Variants in RPS6KA2 observed in about 807,000 individuals in gnomAD.
RPS6KA2 encodes ribosomal protein S6 kinase A2, also known as ribosomal protein S6 kinase alpha-2.
In RPS6KA2, 42 loss-of-function variants were observed where a neutral mutation model predicts 91.8. That is an observed-to-expected ratio of 0.46 (90% CI 0.36 to 0.59). The LOEUF (loss-of-function observed/expected upper bound fraction) is 0.59, where lower values mean the gene tolerates loss of function less well. RPS6KA2 is among the 20% of genes least tolerant of loss of function. The pLI, the probability that RPS6KA2 is intolerant of heterozygous loss-of-function variation, is 0.00. For synonymous variants in RPS6KA2, 414 were observed against 393.6 expected (o/e 1.05, Z -0.61); for missense variants, 798 against 978.5 (o/e 0.82, Z 2.46).
At chr6:166,837,040 G>A (rs9356519) in intron 2 of RPS6KA2, among the ~76,000 whole-genome samples, 120,667 of 152,130 alleles carry the variant, frequency 0.79, 48,301 homozygotes, top group East Asian at 0.98. Flanking sequence ...CACCCTCAGC[G>A]CTGAGCAGGT....
At chr6:166,421,191 A>AT (rs1778706829) in intron 17 of RPS6KA2, among the ~76,000 whole-genome samples, 1 of 152,156 alleles carries the variant, frequency 6.6e-6, no homozygotes, top group Admixed American at 6.6e-5. Context: ...TGGTTAATAG[A>AT]TTTTACCCTG....
At position 166,648,011 on chromosome 6, in the gene RPS6KA2, T is replaced by A. The variant is rs1166520696; in HGVS notation, c.124-109227A>T. On this transcript the variant is annotated intron_variant, in intron 2 of 21. Transcript: ENST00000503859. The surrounding 1 kb of genome is among the most constrained non-coding windows in gnomAD (Gnocchi z 4.8). ...ACACGCACATGCTCACACACGCACA[T>A]GCTTACACACATACATACACACATG... 7.7e-6 allele frequency among the ~76,000 whole-genome samples: 1 copy of A among 129,572 alleles called. No individual in the cohort carries two copies. The highest frequency in any genetic ancestry group is 1.6e-5 in the Non-Finnish European group (1 of 63,244). 85.0% of individuals were successfully genotyped at this position (129,572 alleles called of 152,430 possible). A position where few individuals can be genotyped will look rare whatever the true frequency, so the allele number is the denominator to read the frequency against.
At chr6:166,649,869 C>T (rs745552074) in intron 2 of RPS6KA2, among the ~76,000 whole-genome samples, 5 of 152,160 alleles carry the variant, frequency 3.3e-5, no homozygotes, top group East Asian at 1.9e-4. Context: ...TGTCTTTCTG[C>T]GAACTTTCAT....
intron 2 of RPS6KA2, among the ~76,000 whole-genome samples, chr6:166,773,376 CTTTCT>C (rs1202118209): frequency 1.4e-5 from 2 of 144,666 alleles, no homozygotes; most frequent in Non-Finnish European, 2.9e-5. Flanking sequence ...CTTTTCTTTT[CTTTCT>C]TTTCGTTTTT....
rs1458247070 is a variant in RPS6KA2, at chr6:166,626,875, C to T, written c.99+46G>A. 7.8e-6 allele frequency: 11 copies of T among 1,406,158 alleles called. No homozygotes were observed. In the South Asian group the frequency reaches 1.3e-4, roughly 17 times the overall value. 87.1% of individuals were successfully genotyped at this position (1,406,158 alleles called of 1,614,324 possible). ...CGAGGCGGGCTCGGGCGACCACGGC[C>T]CGCTCAGTGCCCGGCACCTGCGCGC... On this transcript the variant is annotated intron_variant, in intron 1 of 20. Coordinates refer to ENST00000265678, the MANE Select transcript of RPS6KA2 (RefSeq NM_021135.6). This position sits in a 1 kb window ranked among gnomAD's most constrained non-coding sequence, Gnocchi z 4.1.
In RPS6KA2 at chr6:166,612,999, A is replaced by G. The variant is rs1217487453; in HGVS notation, c.99+13922T>C. Reference sequence around the variant, plus strand: ...CAGTGTTTCCCGGACCTCCCAGAGAAAGCTGACCCAGAGGACACGGAGCTA... The same window carrying G: ...CAGTGTTTCCCGGACCTCCCAGAGAGAGCTGACCCAGAGGACACGGAGCTA... On this transcript the variant is annotated intron_variant, in intron 1 of 20. Transcript: ENST00000265678. This position sits in a 1 kb window ranked among gnomAD's most constrained non-coding sequence, Gnocchi z 4.3. Among the ~76,000 whole-genome samples, 1 of 152,224 alleles carries G rather than the reference A, an allele frequency of 6.6e-6. No homozygotes were observed. Among genetic ancestry groups the G allele is most frequent in the African/African-American group, 2.4e-5 (1 of 41,462 alleles).
At chr6:166,764,519 G>A (rs2128604464) in intron 2 of RPS6KA2, among the ~76,000 whole-genome samples, 1 of 152,284 alleles carries the variant, frequency 6.6e-6, no homozygotes, top group South Asian at 2.1e-4. Flanking sequence ...ACAGTGAGAA[G>A]GCGGGCAGGG....
intron 11 of RPS6KA2, among the ~76,000 whole-genome samples, chr6:166,461,520 TGGGGAGA>T (rs1428598682): frequency 1.1e-4 from 4 of 36,318 alleles, no homozygotes; most frequent in South Asian, 8.3e-4. Flanking sequence ...GAGAGAGAGA[TGGGGAGA>T]GATGGGGAGA....
chr6:166,467,093 C>T (rs1418301005), intron 11 of RPS6KA2, among the ~76,000 whole-genome samples: 1 of 151,612 alleles, frequency 6.6e-6, no homozygotes, highest in African/African-American at 2.4e-5. Flanking sequence ...CTCACTCATT[C>T]ACTCTCTAAC....
chr6:166,429,374 A>T lies in RPS6KA2; in HGVS notation c.1581+1079T>A, dbSNP rs189350767. ...AATGGGTGCAGCACACCAGCATGGC[A>T]CATGTATACATATGTAACTAACCTG... On this transcript the variant is annotated intron_variant, in intron 16 of 20. Coordinates refer to ENST00000265678, the MANE Select transcript of RPS6KA2 (RefSeq NM_021135.6). Among the ~76,000 whole-genome samples, 426 of 152,102 alleles carry T rather than the reference A, an allele frequency of 2.8e-3. 1 individual carries two copies. The highest frequency in any genetic ancestry group is 0.024 in the Middle Eastern group (7 of 294).
intron 2 of RPS6KA2, among the ~76,000 whole-genome samples, chr6:166,742,998 C>T (rs1790858191): frequency 6.6e-6 from 1 of 152,214 alleles, no homozygotes; most frequent in African/African-American, 2.4e-5. Context: ...AGCTAGAATA[C>T]TGGTATGAAA....
intron 2 of RPS6KA2, among the ~76,000 whole-genome samples, chr6:166,538,437 A>G (rs990862818): frequency 6.6e-6 from 1 of 152,210 alleles, no homozygotes; most frequent in Admixed American, 6.5e-5. Flanking sequence ...AGAGAAGGCA[A>G]AAGTGCATGT....
rs9457169 is a variant in RPS6KA2 at position 166,445,519 on chromosome 6, C to T, written c.1332+3205G>A. 0.13 allele frequency among the ~76,000 whole-genome samples: 20,285 copies of T among 152,154 alleles called. 3,060 individuals carry two copies. Among genetic ancestry groups the T allele is most frequent in the African/African-American group, 0.37 (15,531 of 41,442 alleles). On this transcript the variant is annotated intron_variant, in intron 14 of 20. Transcript: ENST00000265678. The surrounding 1 kb of genome is among the most constrained non-coding windows in gnomAD (Gnocchi z 4.5). ...CCGTATTCACCAATGCCAGGAGCCC[C>T]TGTCCCAGCTGGAAAAACCAGAAAG... is the stretch of plus-strand genomic sequence containing the variant.
intron 2 of RPS6KA2, among the ~76,000 whole-genome samples, chr6:166,824,283 T>C (rs1779978970): frequency 6.6e-6 from 1 of 152,148 alleles, no homozygotes; most frequent in Admixed American, 6.5e-5. Context: ...AGATGTGGTA[T>C]GGACCAACCA....
At chr6:166,550,708 A>G (rs1196188363) in intron 1 of RPS6KA2, among the ~76,000 whole-genome samples, 1 of 152,206 alleles carries the variant, frequency 6.6e-6, no homozygotes, top group Non-Finnish European at 1.5e-5. Flanking sequence ...AACTTGTTTT[A>G]AAGTGAAATT....
intron 1 of RPS6KA2, among the ~76,000 whole-genome samples, chr6:166,606,496 T>C (rs1785961326): frequency 6.6e-6 from 1 of 152,088 alleles, no homozygotes; most frequent in South Asian, 2.1e-4. Context: ...AATAATATGG[T>C]TAACACAGAA....
At chr6:166,477,073 ACT>A (rs1450358864) in intron 10 of RPS6KA2, among the ~76,000 whole-genome samples, 3 of 152,224 alleles carry the variant, frequency 2.0e-5, no homozygotes, top group Middle Eastern at 3.4e-3. Flanking sequence ...GGTGAAGGTG[ACT>A]CTGCCCAGCG....
chr6:166,413,820 TGA>T lies in RPS6KA2; in HGVS notation c.2048_2049del (p.Leu683GlnfsTer81). On this transcript the variant is annotated frameshift_variant, in exon 20 of 21. Transcript: ENST00000265678. LOFTEE classifies it low-confidence loss of function (END_TRUNC). ...TTCACCAGGTGCACGTCCTGTCGGC[TGA>T]GCTGGTTTGGGGACAGGTACTCTCT... is the stretch of plus-strand genomic sequence containing the variant. ...VNREYLSPNQ[L>X]SRQDVHLVKG... 6.2e-7 allele frequency: 1 copy of T among 1,614,176 alleles called. No homozygotes were observed.
chr6:166,815,615 A>G (rs1457222340), intron 2 of RPS6KA2, among the ~76,000 whole-genome samples: 1 of 152,208 alleles, frequency 6.6e-6, no homozygotes, highest in African/African-American at 2.4e-5. Context: ...GAGAGATGAC[A>G]TCCTCCTCTC....
Sources: gnomAD v4.1 joint callset for allele counts (sites outside exome capture counted in the v4.1 genomes callset) on GRCh38, gnomAD v4.1.1 for gene constraint, Gnocchi (gnomAD v3.1) non-coding constraint, MANE v1.5 for transcripts, NCBI Gene and HGNC (gene_info 2026-07-23, HGNC 2026-07-21) for gene names.